FILIP1: variants seen among roughly 807,000 people sequenced by gnomAD.
The protein encoded by FILIP1 is filamin A interacting protein 1, also known as filamin-A-interacting protein 1.
FILIP1 carries 61 observed loss-of-function variants against 102.1 expected under a neutral mutation model. The ratio of observed to expected loss-of-function variants is 0.60; its 90% confidence interval spans 0.49 to 0.74. FILIP1 has a LOEUF of 0.74. FILIP1 is among the 30% of genes least tolerant of loss of function. FILIP1 has a pLI of 0.00. For synonymous variants in FILIP1, 491 were observed against 526.9 expected, an observed-to-expected ratio of 0.93 and a Z score of 0.93; for missense variants, 1,314 against 1,441.2, an observed-to-expected ratio of 0.91 and a Z score of 1.43.
rs756805292 is a variant in FILIP1, at chr6:75,313,884, C to T, written c.1948G>A (p.Glu650Lys). The T allele has an allele frequency of 5.0e-6, 8 of 1,613,936 alleles. No homozygotes were observed. The East Asian group carries it at 8.9e-5, about 18-fold the overall frequency. ...KKRLQQLEVV[E>K]GDLMKTEDEY... ...TCTTCTGTCTTCATCAAATCCCCTTCGACCACTTCCAATTGTTGGAGACGT... is the reference window on the plus strand; with the variant it reads ...TCTTCTGTCTTCATCAAATCCCCTTTGACCACTTCCAATTGTTGGAGACGT... The change falls in exon 5 of 6, where the codon GAA (glutamate) becomes AAA (lysine). Residue 650 changes from glutamate to lysine, a missense_variant. Physicochemically the swap from Glu to Lys is moderately conservative, Grantham distance 56. This residue lies in a region of FILIP1 where 816 missense variants were observed against 913.1 expected (regional missense o/e 0.89). Transcript: ENST00000237172. This position sits in a 1 kb window ranked among gnomAD's most constrained non-coding sequence, Gnocchi z 4.2.
intron 2 of FILIP1, among the ~76,000 whole-genome samples, chr6:75,403,347 C>T (rs1776720186): frequency 6.6e-6 from 1 of 151,586 alleles, no homozygotes. Context: ...GACCCCATCT[C>T]CACAAAAATT....
chr6:75,312,729 T>C lies in FILIP1; in HGVS notation c.3103A>G (p.Thr1035Ala). ...TTTTCTGGGGTGACTTTGAGGATTG[T>C]CCGTCCCATGGGCATTTCCTGGGAT... ...PESQEMPMGR[T>A]ILKVTPEKQT... The change falls in exon 5 of 6, where the codon ACA becomes GCA. Residue 1035 changes from threonine to alanine, a missense_variant. Coordinates refer to ENST00000237172, the MANE Select transcript of FILIP1 (RefSeq NM_015687.5). 1.9e-6 allele frequency: 3 copies of C among 1,614,214 alleles called. No individual in the cohort carries two copies. The highest frequency in any genetic ancestry group is 2.5e-6 in the Non-Finnish European group (3 of 1,180,050).
chr6:75,391,975 T>C (rs1435369161), intron 2 of FILIP1, among the ~76,000 whole-genome samples: 1 of 152,190 alleles, frequency 6.6e-6, no homozygotes, highest in Admixed American at 6.6e-5. Context: ...TGTCTATTGC[T>C]GAATTCAATG....
chr6:75,443,963 T>C (rs1289175288), intron 1 of FILIP1, among the ~76,000 whole-genome samples: 1 of 152,218 alleles, frequency 6.6e-6, no homozygotes, highest in Non-Finnish European at 1.5e-5. Flanking sequence ...ATTTGAGCTT[T>C]GTAGAGACAA....
chr6:75,449,215 A>C (rs1332438498), intron 1 of FILIP1, among the ~76,000 whole-genome samples: 5 of 152,134 alleles, frequency 3.3e-5, no homozygotes, highest in Admixed American at 3.3e-4. Context: ...ATTCTAAGTG[A>C]AGTAACTCAG....
At chr6:75,361,756 T>TA (rs1182682732) in intron 3 of FILIP1, 1 of 152,232 alleles carries the variant, frequency 6.6e-6, no homozygotes, top group African/African-American at 2.4e-5. Context: ...AATCTGCCTA[T>TA]AGCCATACAC....
chr6:75,479,791 T>A (rs898565412), intron 1 of FILIP1, among the ~76,000 whole-genome samples: 5 of 132,374 alleles, frequency 3.8e-5, no homozygotes, highest in African/African-American at 1.5e-4. Context: ...ATCGCTTGAA[T>A]CCAGGAGGCA....
chr6:75,429,752 A>G (rs1170297331), intron 1 of FILIP1, among the ~76,000 whole-genome samples: 2 of 152,194 alleles, frequency 1.3e-5, no homozygotes, highest in African/African-American at 4.8e-5. Flanking sequence ...AAGGTTCTAT[A>G]ATAGTTCAGG....
At position 75,313,695 on chromosome 6, in the gene FILIP1, C is replaced by T. The variant is rs1299315118; in HGVS notation, c.2137G>A (p.Glu713Lys). ...TTTAAGTCTCGACTTTTAGCTTCTTCCAACCGAAATCTGTGTCTCAGTTCA... is the reference window on the plus strand; with the variant it reads ...TTTAAGTCTCGACTTTTAGCTTCTTTCAACCGAAATCTGTGTCTCAGTTCA... ...EAELRHRFRL[E>K]EAKSRDLKAE... Residue 713 changes from glutamate to lysine, a missense_variant, in exon 5 of 6, where the codon GAA (glutamate) becomes AAA (lysine). This residue lies in a region of FILIP1 where 816 missense variants were observed against 913.1 expected (regional missense o/e 0.89). Coordinates refer to ENST00000237172, the MANE Select transcript of FILIP1 (RefSeq NM_015687.5). This position sits in a 1 kb window ranked among gnomAD's most constrained non-coding sequence, Gnocchi z 4.2. 1.3e-6 allele frequency: 2 copies of T among 1,562,436 alleles called. No homozygotes were observed. Among genetic ancestry groups the T allele is most frequent in the Admixed American group, 2.0e-5 (1 of 50,642 alleles).
At chr6:75,465,324 TTAAAA>T (rs1779131419) in intron 1 of FILIP1, 1 of 394,586 alleles carries the variant, frequency 2.5e-6, no homozygotes, top group African/African-American at 2.1e-5. Flanking sequence ...ATATACAGCC[TTAAAA>T]TAAAATGTGG....
intron 1 of FILIP1, among the ~76,000 whole-genome samples, chr6:75,447,406 A>T (rs992093697): frequency 1.3e-5 from 2 of 152,146 alleles, no homozygotes; most frequent in African/African-American, 2.4e-5. Context: ...TTCAAATCTC[A>T]AAAGACCTTT....
chr6:75,338,872 T>C (rs1282469630), intron 4 of FILIP1, among the ~76,000 whole-genome samples: 1 of 152,362 alleles, frequency 6.6e-6, no homozygotes, highest in East Asian at 1.9e-4. Flanking sequence ...CCCTCAGTTG[T>C]TGGAAATGTT....
chr6:75,439,284 T>G (rs1778124872), intron 1 of FILIP1, among the ~76,000 whole-genome samples: 1 of 152,078 alleles, frequency 6.6e-6, no homozygotes, highest in African/African-American at 2.4e-5. Context: ...GAGAATCACT[T>G]GAACCCAGAA....
At chr6:75,335,243 G>A (rs908668287) in intron 4 of FILIP1, among the ~76,000 whole-genome samples, 37 of 152,080 alleles carry the variant, frequency 2.4e-4, no homozygotes, top group African/African-American at 8.9e-4. Flanking sequence ...GCTACAGAAT[G>A]CCAAGTGCCT....
chr6:75,399,002 C>T (rs189269142), intron 2 of FILIP1: 125 of 152,290 alleles, frequency 8.2e-4, no homozygotes, highest in African/African-American at 2.8e-3. Flanking sequence ...CTTTCTGGTA[C>T]ACTCCATGTT....
Position 75,376,264 on chromosome 6 carries a change from T to C in FILIP1, c.277-13347A>G, listed in dbSNP as rs190349325. 3.1e-3 allele frequency among the ~76,000 whole-genome samples: 479 copies of C among 152,294 alleles called. 2 individuals are homozygous for C. Among genetic ancestry groups the C allele is most frequent in the Non-Finnish European group, 6.0e-3 (406 of 68,028 alleles). On this transcript the variant is annotated intron_variant, in intron 2 of 5. Coordinates refer to ENST00000237172, the MANE Select transcript of FILIP1 (RefSeq NM_015687.5). ...GAGATGCAATGTGGTAGAAAGAGCA[T>C]GCCCTAGGGAATCTTGTGTTAGAAA...
rs1182996597 is a variant in FILIP1 at position 75,313,531 on chromosome 6, C to T, written c.2301G>A (p.Gln767=). 3.7e-6 allele frequency: 6 copies of T among 1,614,212 alleles called. No homozygotes were observed. Among genetic ancestry groups the T allele is most frequent in the Non-Finnish European group, 4.2e-6 (5 of 1,180,048 alleles). Residue 767 remains glutamine (Q), a synonymous_variant, in exon 5 of 6, where the codon CAG becomes CAA. Coordinates refer to ENST00000237172, the MANE Select transcript of FILIP1 (RefSeq NM_015687.5). This position sits in a 1 kb window ranked among gnomAD's most constrained non-coding sequence, Gnocchi z 4.2. ...ACTCTTTGGTCAGATTGAGAACCTC[C>T]TGCCCCATGTTTTTGTTCTTATTTT... ...EEENKNKNMG[Q]EVLNLTKELE...
chr6:75,336,653 T>C (rs1196072465), intron 4 of FILIP1, among the ~76,000 whole-genome samples: 4 of 152,288 alleles, frequency 2.6e-5, no homozygotes, highest in African/African-American at 9.6e-5. Context: ...AATCAATATT[T>C]AGAGACAAAT....
chr6:75,447,650 C>A (rs2998394), intron 1 of FILIP1, among the ~76,000 whole-genome samples: 106,016 of 151,990 alleles, frequency 0.7, 37,890 homozygotes, highest in African/African-American at 0.86. Flanking sequence ...ACTGAAAGGT[C>A]CTGAAGTTAT....
Sources: gnomAD v4.1 joint callset for allele counts (sites outside exome capture counted in the v4.1 genomes callset) on GRCh38, gnomAD v4.1.1 for gene constraint, gnomAD v4.1.1 regional missense constraint, Gnocchi (gnomAD v3.1) non-coding constraint, MANE v1.5 for transcripts, NCBI Gene and HGNC (gene_info 2026-07-23, HGNC 2026-07-21) for gene names.